The following GBP3 variants were observed in gnomAD, a reference collection of about 807,000 sequenced individuals.
GBP3 encodes the protein guanylate-binding protein 3.
A neutral mutation model predicts 62.4 loss-of-function variants in GBP3; 55 were observed. That is an observed-to-expected ratio of 0.88 (90% CI 0.71 to 1.10). GBP3 has a LOEUF of 1.10. Among genes scored for constraint, GBP3 ranks in the 50% least tolerant of loss-of-function variants. The pLI is 0.00. For missense variants in GBP3, 605 were observed against 690.6 expected (o/e 0.88, Z 1.39); for synonymous variants, 208 against 259.2 (o/e 0.80, Z 1.90).
rs755752987 is a variant in GBP3, at chr1:89,015,281, C to T, written c.318+6G>A. 7.5e-6 allele frequency: 12 copies of T among 1,595,788 alleles called. No individual in the cohort carries two copies. In the South Asian group the frequency reaches 1.4e-4, roughly 18 times the overall value. On this transcript the variant is annotated splice_donor_region_variant and intron_variant, in intron 3 of 10. Coordinates refer to ENST00000370481, the MANE Select transcript of GBP3 (RefSeq NM_018284.3). ...CTTATTTCAAAATTGAATCTTTGACCCTTACCTTCTTTACATCTCCCAGGC... is the reference window on the plus strand; with the variant it reads ...CTTATTTCAAAATTGAATCTTTGACTCTTACCTTCTTTACATCTCCCAGGC...
chr1:89,014,329 C>A, intron 4 of GBP3, 50 bp from the exon 5 acceptor site: 1 of 1,613,022 alleles, frequency 6.2e-7, no homozygotes, highest in South Asian at 1.1e-5. Flanking sequence ...AACCTCATCC[C>A]ATATTAGTTC....
intron 5 of GBP3, 52 bp downstream of exon 5, chr1:89,014,031 A>G: frequency 1.3e-6 from 2 of 1,557,762 alleles, no homozygotes; most frequent in Non-Finnish European, 8.8e-7. Flanking sequence ...CTAAAAAATG[A>G]TAATTTCTAG....
At position 89,013,195 on chromosome 1, in the gene GBP3, GACCT is replaced by G; in HGVS notation, c.854_857del (p.Lys285ThrfsTer6). On this transcript the variant is annotated frameshift_variant, in exon 6 of 11. Coordinates refer to ENST00000370481, the MANE Select transcript of GBP3 (RefSeq NM_018284.3). LOFTEE classifies it high-confidence loss of function. Reference sequence around the variant, plus strand: ...ACGAAGGGGACTTACGAGGCCCATTGACCTTGATGCCTCCTGAAAGAGTTTTAGT... The same window carrying G: ...ACGAAGGGGACTTACGAGGCCCATTGTGATGCCTCCTGAAAGAGTTTTAGT... 6.2e-7 allele frequency: 1 copy of G among 1,613,824 alleles called. No homozygotes were observed. Among genetic ancestry groups the G allele is most frequent in the Non-Finnish European group, 8.5e-7 (1 of 1,179,746 alleles).
intron 1 of GBP3, among the ~76,000 whole-genome samples, chr1:89,021,795 G>GAGAGAGAGAGAA (rs1679239327): frequency 8.2e-6 from 1 of 121,474 alleles, no homozygotes; most frequent in African/African-American, 5.0e-5. Context: ...AGATGAGAGA[G>GAGAGAGAGAGAA]AGAGAGAGAG....
rs1678540478 is a variant in GBP3, at chr1:89,011,062, A to C, written c.1204T>G (p.Ser402Ala). 1 of 1,462,000 alleles carries C rather than the reference A, an allele frequency of 6.8e-7. No homozygotes were observed. Among genetic ancestry groups the C allele is most frequent in the African/African-American group, 1.4e-5 (1 of 73,868 alleles). 90.6% of individuals were successfully genotyped at this position (1,462,000 alleles called of 1,614,324 possible). A position where few individuals can be genotyped will look rare whatever the true frequency, so the allele number is the denominator to read the frequency against. Reference sequence around the variant, plus strand: ...TGAAGTAAAGCTGAGCAACGATCTGATGATGCTTCTTGATTCTGTTTACAA... The same window carrying C: ...TGAAGTAAAGCTGAGCAACGATCTGCTGATGCTTCTTGATTCTGTTTACAA... ...DFCKQNQEAS[S>A]DRCSALLQVI... The change falls in exon 8 of 11, where the codon TCA (serine) becomes GCA (alanine). Residue 402 changes from serine (S) to alanine (A), a missense_variant. Physicochemically the swap from Ser to Ala is moderately conservative, Grantham distance 99. Around this residue, in one of 3 missense-constraint regions of GBP3, gnomAD observed 137 missense variants for 224.7 expected, o/e 0.61. Transcript: ENST00000370481.
intron 2 of GBP3, among the ~76,000 whole-genome samples, chr1:89,015,770 G>A (rs1327287832): frequency 7.2e-6 from 1 of 139,224 alleles, no homozygotes; most frequent in African/African-American, 2.7e-5. Flanking sequence ...AAAAAAAGAG[G>A]GATAGAGAAA....
In GBP3 at chr1:89,014,048, G is replaced by T. The variant is rs778908132; in HGVS notation, c.625+35C>A. 16 of 1,593,628 alleles carry T rather than the reference G, an allele frequency of 1.0e-5. 2 individuals carry two copies. The South Asian group carries it at 1.8e-4, about 18-fold the overall frequency. ...AAAAAATGATAATTTCTAGTGTTTT[G>T]TCGTCCTCATTTATCAATGGTACGT... On this transcript the variant is annotated intron_variant, in intron 5 of 10. Coordinates refer to ENST00000370481, the MANE Select transcript of GBP3 (RefSeq NM_018284.3).
chr1:89,014,801 AT>A, intron 3 of GBP3, 145 bp from the exon 4 acceptor site: 2 of 992,962 alleles, frequency 2.0e-6, no homozygotes, highest in Non-Finnish European at 2.9e-6. Flanking sequence ...AAACAAAATG[AT>A]TGTTACTCAG....
chr1:89,008,726 A>G (rs1030247217), intron 10 of GBP3: 10 of 741,502 alleles, frequency 1.3e-5, no homozygotes, highest in African/African-American at 3.5e-5. Context: ...GTGGAAGGAT[A>G]CACTAAAACG....
chr1:89,009,950 T>C (rs1343247995), intron 8 of GBP3, among the ~76,000 whole-genome samples: 2 of 152,156 alleles, frequency 1.3e-5, no homozygotes, highest in Non-Finnish European at 2.9e-5. Flanking sequence ...AAATCCAGTT[T>C]GAAACCTAAA....
intron 6 of GBP3, 89 bp downstream of exon 6, chr1:89,013,096 C>A: frequency 6.9e-7 from 1 of 1,450,044 alleles, no homozygotes; most frequent in Non-Finnish European, 9.4e-7. Context: ...CCTCGGCCTC[C>A]CAAAGTGCTG....
Position 89,007,471 on chromosome 1 carries a change from G to A in GBP3, c.*253C>T, listed in dbSNP as rs112903401. ...TTCCTCAGTATCCACTGGTCGTCTGGAAGAATAAACTTCTGAGTGGTGGCA... is the reference window on the plus strand; with the variant it reads ...TTCCTCAGTATCCACTGGTCGTCTGAAAGAATAAACTTCTGAGTGGTGGCA... On this transcript the variant is annotated 3_prime_UTR_variant, in exon 11 of 11. Transcript: ENST00000370481. 2.5e-5 allele frequency: 9 copies of A among 353,264 alleles called. No homozygotes were observed. The highest frequency in any genetic ancestry group is 1.5e-4 in the African/African-American group (7 of 47,028). The allele number at this position is 353,264 out of a possible 1,614,324, so 21.9% of individuals were successfully genotyped here.
intron 1 of GBP3, among the ~76,000 whole-genome samples, chr1:89,022,264 T>C (rs1679282581): frequency 6.6e-6 from 1 of 152,210 alleles, no homozygotes; most frequent in Non-Finnish European, 1.5e-5. Context: ...TCTTTCCTTC[T>C]GGTGAAAAGA....
intron 3 of GBP3, 53 bp downstream of exon 3, chr1:89,015,234 T>A: frequency 6.7e-7 from 1 of 1,497,480 alleles, no homozygotes; most frequent in Non-Finnish European, 8.9e-7. Context: ...AAATGGTGCT[T>A]AAAATATTCA....
rs1336953967 is a variant in GBP3, at chr1:89,021,288, G to A, written c.-22-545C>T. Reference sequence around the variant, plus strand: ...TTCTCACAGTGCCATTCTGGAAGTGGAACCAATGTAACATACTTTTGCAAA... The same window carrying A: ...TTCTCACAGTGCCATTCTGGAAGTGAAACCAATGTAACATACTTTTGCAAA... On this transcript the variant is annotated intron_variant, in intron 1 of 10. Transcript: ENST00000370481. 2.0e-5 allele frequency among the ~76,000 whole-genome samples: 3 copies of A among 152,188 alleles called. No individual in the cohort carries two copies. In the East Asian group the frequency reaches 5.8e-4, roughly 29 times the overall value.
chr1:89,013,697 C>T, intron 5 of GBP3: 2 of 450,276 alleles, frequency 4.4e-6, no homozygotes, highest in Non-Finnish European at 7.9e-6. Flanking sequence ...GTACACTGTT[C>T]ATGTTCAATC....
intron 1 of GBP3, among the ~76,000 whole-genome samples, chr1:89,021,507 C>T (rs1005460514): frequency 6.4e-5 from 6 of 93,502 alleles, no homozygotes; most frequent in Non-Finnish European, 9.8e-5. Context: ...CATGCGCGCG[C>T]GCGCACACAC....
chr1:89,014,672 C>T lies in GBP3; in HGVS notation c.319-16G>A, dbSNP rs768613173. The T allele has an allele frequency of 6.2e-7, 1 of 1,613,854 alleles. No individual in the cohort carries two copies. The highest frequency in any genetic ancestry group is 1.1e-5 in the South Asian group (1 of 91,058). Reference sequence around the variant, plus strand: ...GGTTGTCACCCTGGAAGTCAAGACACACTGGAGTCAGGAGCAAGTTTCATC... The same window carrying T: ...GGTTGTCACCCTGGAAGTCAAGACATACTGGAGTCAGGAGCAAGTTTCATC... On this transcript the variant is annotated splice_polypyrimidine_tract_variant and intron_variant, in intron 3 of 10. Coordinates refer to ENST00000370481, the MANE Select transcript of GBP3 (RefSeq NM_018284.3).
chr1:89,019,351 C>T lies in GBP3; in HGVS notation c.190+1181G>A, dbSNP rs142181190. ...ATGCCCAGGCTGGAGTGCAAAGGCA[C>T]GATCTTGGCTCACCGCAACCTCTGT... On this transcript the variant is annotated intron_variant, in intron 2 of 10. Coordinates refer to ENST00000370481, the MANE Select transcript of GBP3 (RefSeq NM_018284.3). Among the ~76,000 whole-genome samples the T allele has an allele frequency of 7.9e-4, 121 of 152,360 alleles. 2 individuals carry two copies. In the East Asian group the frequency reaches 0.011, roughly 14 times the overall value.
Sources: gnomAD v4.1 joint callset for allele counts (sites outside exome capture counted in the v4.1 genomes callset) on GRCh38, gnomAD v4.1.1 for gene constraint, gnomAD v4.1.1 regional missense constraint, MANE v1.5 for transcripts, NCBI Gene and HGNC (gene_info 2026-07-23, HGNC 2026-07-21) for gene names.